TDRD3: variants seen among roughly 807,000 people sequenced by gnomAD.
TDRD3 encodes tudor domain-containing protein 3.
Under a neutral mutation model 86.7 loss-of-function variants are expected in TDRD3, and 45 were observed. The observed-to-expected ratio is 0.52, with a 90% CI of 0.41 to 0.67. TDRD3 has a LOEUF of 0.67. TDRD3 is among the 30% of genes least tolerant of loss of function. The pLI, the probability that TDRD3 is intolerant of heterozygous loss-of-function variation, is 0.00. For missense variants in TDRD3, 814 were observed against 889.0 expected (o/e 0.92, Z 1.07); for synonymous variants, 298 against 301.7 (o/e 0.99, Z 0.13).
chr13:60,510,046 C>CA (rs1326632168), intron 9 of TDRD3, 127 bp downstream of exon 9: 7 of 1,113,502 alleles, frequency 6.3e-6, no homozygotes, highest in Non-Finnish European at 8.7e-6. Context: ...GTGGAAGGAA[C>CA]ACCAGTTTGG....
At chr13:60,477,885 T>G (rs1956219883) in intron 5 of TDRD3, among the ~76,000 whole-genome samples, 1 of 152,168 alleles carries the variant, frequency 6.6e-6, no homozygotes, top group South Asian at 2.1e-4. Flanking sequence ...GCTGGCTTTG[T>G]GCAAAGAAGT....
At chr13:60,423,788 T>C (rs1390404121) in intron 1 of TDRD3, among the ~76,000 whole-genome samples, 2 of 152,192 alleles carry the variant, frequency 1.3e-5, no homozygotes, top group African/African-American at 4.8e-5. Flanking sequence ...TGTGGTATAT[T>C]TAAAGCAGTG....
chr13:60,491,624 T>G (rs1389852681), intron 7 of TDRD3, among the ~76,000 whole-genome samples: 1 of 152,172 alleles, frequency 6.6e-6, no homozygotes, highest in Admixed American at 6.5e-5. Context: ...GGACTTAGAA[T>G]TAATATAGAA....
chr13:60,564,694 T>TA (rs992918575), intron 12 of TDRD3, among the ~76,000 whole-genome samples: 1 of 152,200 alleles, frequency 6.6e-6, no homozygotes, highest in Non-Finnish European at 1.5e-5. Context: ...TCAGATTTTT[T>TA]AAAAAATGTT....
chr13:60,427,304 AT>A (rs1024404610), intron 1 of TDRD3, among the ~76,000 whole-genome samples: 5 of 151,996 alleles, frequency 3.3e-5, no homozygotes, highest in African/African-American at 1.2e-4. Context: ...ATGTTGGGTA[AT>A]TTTGGATTTT....
chr13:60,546,805 A>C lies in TDRD3; in HGVS notation c.2118+11572A>C, dbSNP rs193250655. On this transcript the variant is annotated intron_variant, in intron 12 of 13. Coordinates refer to ENST00000377881, the MANE Select transcript of TDRD3 (RefSeq NM_001146070.2). The stretch of plus-strand genomic sequence containing the variant: ...TAAAAACAACTTAATAAAAACTTAC[A>C]CTCTTTTATACAAGAGTGTATTTCC... Among the ~76,000 whole-genome samples, 548 of 152,092 alleles carry C rather than the reference A, an allele frequency of 3.6e-3. 3 individuals carry two copies. The highest frequency in any genetic ancestry group is 4.3e-3 in the Non-Finnish European group (293 of 67,974).
intron 13 of TDRD3, among the ~76,000 whole-genome samples, chr13:60,570,408 A>G (rs1203663797): frequency 6.6e-6 from 1 of 152,180 alleles, no homozygotes; most frequent in South Asian, 2.1e-4. Flanking sequence ...AAAGGCAGTA[A>G]TGAATGCTAG....
upstream of TDRD3, among the ~76,000 whole-genome samples, chr13:60,395,690 A>G (rs1278767117): frequency 6.6e-6 from 1 of 152,212 alleles, no homozygotes; most frequent in African/African-American, 2.4e-5. Context: ...AATGTAAATA[A>G]TTGGTAACAG....
At chr13:60,435,941 T>C (rs560251479) in intron 1 of TDRD3, among the ~76,000 whole-genome samples, 23 of 151,736 alleles carry the variant, frequency 1.5e-4, no homozygotes, top group African/African-American at 5.5e-4. Context: ...TACTTTTTAA[T>C]TATGGCCTTT....
intron 1 of TDRD3, among the ~76,000 whole-genome samples, chr13:60,414,362 A>G (rs1954441183): frequency 6.6e-6 from 1 of 152,154 alleles, no homozygotes; most frequent in African/African-American, 2.4e-5. Context: ...TCATACACCT[A>G]CTGTCTGTAG....
Position 60,509,914 on chromosome 13 carries a change from T to G in TDRD3, c.1010T>G (p.Leu337Arg). ...CAGAAACCTGTTATGGGTCCTCCTC[T>G]GAGAGGTATAATTTATTAAGCAGTG... ...NKQKPVMGPP[L>R]RGRGKGRGRI... Residue 337 changes from leucine to arginine, a missense_variant, in exon 9 of 14, where the codon CTG (leucine) becomes CGG (arginine). Transcript: ENST00000377881. The G allele has an allele frequency of 3.1e-6, 5 of 1,613,108 alleles. No individual in the cohort carries two copies. The highest frequency in any genetic ancestry group is 4.2e-6 in the Non-Finnish European group (5 of 1,179,428).
chr13:60,412,268 A>G (rs1954385323), intron 1 of TDRD3, among the ~76,000 whole-genome samples: 1 of 152,164 alleles, frequency 6.6e-6, no homozygotes, highest in Non-Finnish European at 1.5e-5. Context: ...TCATTCAGTG[A>G]TATTGTTCAG....
At chr13:60,504,562 T>G (rs1956895944) in intron 8 of TDRD3, among the ~76,000 whole-genome samples, 1 of 152,256 alleles carries the variant, frequency 6.6e-6, no homozygotes. Flanking sequence ...GACATTTTGT[T>G]TCTTAAATAT....
chr13:60,563,693 T>G (rs1958389639), intron 12 of TDRD3, among the ~76,000 whole-genome samples: 2 of 152,246 alleles, frequency 1.3e-5, no homozygotes, highest in Non-Finnish European at 2.9e-5. Flanking sequence ...GACTGGTTTG[T>G]ATGCTTAGCT....
At chr13:60,548,663 A>G (rs912196299) in intron 12 of TDRD3, among the ~76,000 whole-genome samples, 1 of 152,174 alleles carries the variant, frequency 6.6e-6, no homozygotes, top group African/African-American at 2.4e-5. Flanking sequence ...AGAGGAAAAT[A>G]TGGTAGAAAT....
rs1377593794 is a variant in TDRD3 at position 60,528,604 on chromosome 13, C to T, written c.1379C>T (p.Ser460Phe). ...GSERPSTSSV[S>F]EVWAEDRIKC... Reference sequence around the variant, plus strand: ...GAAAGACCAAGTACTTCTTCAGTATCTGAAGTATGGGCTGAAGACAGAATC... The same window carrying T: ...GAAAGACCAAGTACTTCTTCAGTATTTGAAGTATGGGCTGAAGACAGAATC... Residue 460 changes from serine (S) to phenylalanine (F), a missense_variant, in exon 11 of 14, where the codon TCT becomes TTT. Physicochemically the swap from Ser to Phe is radical, Grantham distance 155. Coordinates refer to ENST00000377881, the MANE Select transcript of TDRD3 (RefSeq NM_001146070.2). 1 of 1,613,968 alleles carries T rather than the reference C, an allele frequency of 6.2e-7. No homozygotes were observed. Among genetic ancestry groups the T allele is most frequent in the Admixed American group, 1.7e-5 (1 of 60,012 alleles).
chr13:60,554,197 G>C (rs1441123346), intron 12 of TDRD3, among the ~76,000 whole-genome samples: 2 of 152,168 alleles, frequency 1.3e-5, no homozygotes, highest in Non-Finnish European at 2.9e-5. Context: ...CCTGGGTTTT[G>C]CATAAATTAG....
At chr13:60,425,138 CAA>C (rs372514948) in intron 1 of TDRD3, among the ~76,000 whole-genome samples, 22 of 152,154 alleles carry the variant, frequency 1.4e-4, no homozygotes, top group African/African-American at 4.6e-4. Context: ...TAAGAAATAA[CAA>C]AGAGAAGTCA....
At chr13:60,427,962 T>C (rs904228480) in intron 1 of TDRD3, among the ~76,000 whole-genome samples, 1 of 152,122 alleles carries the variant, frequency 6.6e-6, no homozygotes, top group Non-Finnish European at 1.5e-5. Context: ...ACTTAACAGT[T>C]CTGGAGATCA....
Sources: gnomAD v4.1 joint callset for allele counts (sites outside exome capture counted in the v4.1 genomes callset) on GRCh38, gnomAD v4.1.1 for gene constraint, MANE v1.5 for transcripts, NCBI Gene and HGNC (gene_info 2026-07-23, HGNC 2026-07-21) for gene names.